SCMH1: variants seen among roughly 807,000 people sequenced by gnomAD.
SCMH1 encodes the protein Scm polycomb group protein homolog 1.
SCMH1 carries 37 observed loss-of-function variants against 70.8 expected under a neutral mutation model. That is an observed-to-expected ratio of 0.52 (90% confidence interval 0.40 to 0.69). The LOEUF (loss-of-function observed/expected upper bound fraction) is 0.69, where lower values mean the gene tolerates loss of function less well. SCMH1 is among the 30% of genes least tolerant of loss of function. The pLI, the probability that SCMH1 is intolerant of heterozygous loss-of-function variation, is 0.00. For missense variants in SCMH1, 607 were observed against 827.3 expected, an observed-to-expected ratio of 0.73 and a Z score of 3.27; for synonymous variants, 292 against 307.4, an observed-to-expected ratio of 0.95 and a Z score of 0.52.
chr1:41,104,694 G>A (rs143178762), intron 8 of SCMH1, among the ~76,000 whole-genome samples: 2 of 152,260 alleles, frequency 1.3e-5, no homozygotes, highest in African/African-American at 4.8e-5. Flanking sequence ...CTGAACTAGT[G>A]GCTAGTGAAC....
At chr1:41,065,350 T>C (rs969859369) in intron 10 of SCMH1, among the ~76,000 whole-genome samples, 1 of 152,136 alleles carries the variant, frequency 6.6e-6, no homozygotes, top group Non-Finnish European at 1.5e-5. Context: ...GTGCCTGTAG[T>C]CCCAGCTACT....
At chr1:41,048,101 T>C (rs564475245) in intron 11 of SCMH1, among the ~76,000 whole-genome samples, 1 of 152,268 alleles carries the variant, frequency 6.6e-6, no homozygotes, top group African/African-American at 2.4e-5. Context: ...TTCATAGGTT[T>C]AGTGGCTAAA....
At chr1:41,157,091 C>A (rs1374868526) in intron 4 of SCMH1, among the ~76,000 whole-genome samples, 2 of 151,576 alleles carry the variant, frequency 1.3e-5, no homozygotes, top group Non-Finnish European at 2.9e-5. Context: ...GTAGCCGGGA[C>A]TACAGGTGTG....
At position 41,152,632 on chromosome 1, in the gene SCMH1, C is replaced by G. The variant is rs545395137; in HGVS notation, c.107-948G>C. On this transcript the variant is annotated intron_variant, in intron 4 of 14. Coordinates refer to ENST00000337495, the Ensembl canonical transcript of SCMH1. ...GACCCCATGATGGAGCAGGGAAGGTCCCAGAGAATCTCACAAGCTAAAACA... is the reference window on the plus strand; with the variant it reads ...GACCCCATGATGGAGCAGGGAAGGTGCCAGAGAATCTCACAAGCTAAAACA... 8.5e-5 allele frequency: 137 copies of G among 1,614,144 alleles called. 1 individual carries two copies. Among genetic ancestry groups the G allele is most frequent in the Non-Finnish European group, 1.1e-4 (132 of 1,180,012 alleles).
At chr1:41,233,460 CAGA>C (rs1661705671) in intron 1 of SCMH1, among the ~76,000 whole-genome samples, 1 of 152,086 alleles carries the variant, frequency 6.6e-6, no homozygotes, top group Non-Finnish European at 1.5e-5. Context: ...CTATAGATAG[CAGA>C]AGATCAAAAG....
At chr1:41,180,965 A>G (rs1321165276) in intron 2 of SCMH1, among the ~76,000 whole-genome samples, 1 of 152,234 alleles carries the variant, frequency 6.6e-6, no homozygotes, top group Non-Finnish European at 1.5e-5. Context: ...AGGCTACAGT[A>G]ACCAAAACAG....
At chr1:41,145,975 T>C (rs1470887210) in intron 5 of SCMH1, among the ~76,000 whole-genome samples, 4 of 152,216 alleles carry the variant, frequency 2.6e-5, no homozygotes, top group Admixed American at 2.0e-4. Context: ...TATTTTAGAG[T>C]GTATTCTTTA....
At position 41,054,917 on chromosome 1, in the gene SCMH1, G is replaced by A. The variant is rs1256390905; in HGVS notation, c.1106-6027C>T. On this transcript the variant is annotated intron_variant, in intron 10 of 14. Coordinates refer to ENST00000337495, the Ensembl canonical transcript of SCMH1. ...TCCCACCTCAGCCTCCTGAGTAGCT[G>A]GTACCACAGGTGTGCATCATCATGC... Among the ~76,000 whole-genome samples, 3 of 152,240 alleles carry A rather than the reference G, an allele frequency of 2.0e-5. No homozygotes were observed. In the East Asian group the frequency reaches 5.8e-4, roughly 29 times the overall value.
intron 1 of SCMH1, among the ~76,000 whole-genome samples, chr1:41,210,473 G>A (rs1025341312): frequency 2.6e-5 from 4 of 152,034 alleles, no homozygotes; most frequent in Admixed American, 6.6e-5. Context: ...ACAAGACTAC[G>A]TAACCAAAAC....
chr1:41,126,498 T>C (rs1475715988), intron 6 of SCMH1, among the ~76,000 whole-genome samples: 1 of 152,198 alleles, frequency 6.6e-6, no homozygotes, highest in Non-Finnish European at 1.5e-5. Context: ...TTCCAAGACA[T>C]GCCTAATGGG....
intron 10 of SCMH1, 136 bp downstream of exon 10, chr1:41,070,459 C>T: frequency 8.5e-7 from 1 of 1,171,100 alleles, no homozygotes; most frequent in Non-Finnish European, 1.2e-6. Context: ...ATTTCAAATG[C>T]CAAAGATAAA....
intron 2 of SCMH1, among the ~76,000 whole-genome samples, chr1:41,182,415 C>T (rs1333767251): frequency 6.6e-6 from 1 of 152,042 alleles, no homozygotes; most frequent in Non-Finnish European, 1.5e-5. Context: ...CAGTTAAGGG[C>T]AGAAAGGCAT....
intron 6 of SCMH1, 114 bp downstream of exon 6, chr1:41,142,764 T>C: frequency 1.2e-6 from 1 of 821,324 alleles, no homozygotes. Context: ...TAGGAGACTA[T>C]ATGAAAAATA....
intron 1 of SCMH1, among the ~76,000 whole-genome samples, chr1:41,236,115 T>C (rs1434706462): frequency 6.6e-6 from 1 of 152,252 alleles, no homozygotes; most frequent in African/African-American, 2.4e-5. Context: ...GTGGAATTGC[T>C]AGATTGTAGT....
intron 8 of SCMH1, among the ~76,000 whole-genome samples, chr1:41,089,785 C>CTTTTTTTTTTTTT (rs1558778255): frequency 8.0e-5 from 3 of 37,318 alleles, no homozygotes; most frequent in African/African-American, 3.5e-4. Flanking sequence ...ACCATGTTGT[C>CTTTTTTTTTTTTT]TCTTTTTTTT....
chr1:41,049,308 A>ATGTG (rs1443409793), intron 10 of SCMH1, among the ~76,000 whole-genome samples: 3 of 60,726 alleles, frequency 4.9e-5, no homozygotes, highest in African/African-American at 8.4e-5. Context: ...TAGCAAGGGC[A>ATGTG]TATGTGTGTG....
chr1:41,028,471 TCTC>T (rs906619187), intron 14 of SCMH1, 110 bp downstream of exon 15: 56 of 1,509,854 alleles, frequency 3.7e-5, no homozygotes, highest in Middle Eastern at 3.5e-4. Context: ...GCCTACCTGT[TCTC>T]CTCAGCCTTT....
intron 4 of SCMH1, among the ~76,000 whole-genome samples, chr1:41,155,674 T>C (rs1276327504): frequency 2.0e-5 from 3 of 152,068 alleles, no homozygotes; most frequent in Non-Finnish European, 4.4e-5. Flanking sequence ...GACATCTTGA[T>C]AAGGTGATAC....
At chr1:41,191,042 CTT>C in intron 1 of SCMH1, among the ~76,000 whole-genome samples, 1 of 152,128 alleles carries the variant, frequency 6.6e-6, no homozygotes, top group East Asian at 1.9e-4. Context: ...GCCTGGCTAA[CTT>C]TTTTATTTTT....
Sources: allele counts gnomAD v4.1 joint callset (sites outside exome capture counted in the v4.1 genomes callset), GRCh38; gene constraint gnomAD v4.1.1; transcripts MANE v1.5; gene names NCBI Gene and HGNC (gene_info 2026-07-23, HGNC 2026-07-21).